PLCXD3: variants seen among roughly 807,000 people sequenced by gnomAD.
The protein encoded by PLCXD3 is phosphatidylinositol specific phospholipase C X domain containing 3.
PLCXD3 carries 19 observed loss-of-function variants against 25.5 expected under a neutral mutation model. The observed-to-expected ratio is 0.75, with a 90% CI of 0.52 to 1.09. The LOEUF (loss-of-function observed/expected upper bound fraction) is 1.09. Among genes scored for constraint, PLCXD3 ranks in the 50% least tolerant of loss-of-function variants. The pLI, the probability that PLCXD3 is intolerant of heterozygous loss-of-function variation, is 0.00. For synonymous variants in PLCXD3, 174 were observed against 137.6 expected (o/e 1.26, Z -1.85); for missense variants, 411 against 388.1 (o/e 1.06, Z -0.50).
At chr5:41,467,390 T>C (rs1394042121) in intron 1 of PLCXD3, among the ~76,000 whole-genome samples, 1 of 152,204 alleles carries the variant, frequency 6.6e-6, no homozygotes, top group Non-Finnish European at 1.5e-5. Flanking sequence ...GTCCATTTTT[T>C]AAAGTGGTTA....
At chr5:41,475,012 A>T (rs188520616) in intron 1 of PLCXD3, among the ~76,000 whole-genome samples, 82 of 152,350 alleles carry the variant, frequency 5.4e-4, no homozygotes, top group African/African-American at 1.9e-3. Context: ...CCACAGAAGA[A>T]GACAGTACAA....
At chr5:41,345,558 G>T (rs2150479159) in intron 2 of PLCXD3, among the ~76,000 whole-genome samples, 1 of 152,302 alleles carries the variant, frequency 6.6e-6, no homozygotes, top group Non-Finnish European at 1.5e-5. Context: ...AACACAGCCT[G>T]TCATTCAGCT....
chr5:41,400,437 A>G (rs1348421821), intron 1 of PLCXD3, among the ~76,000 whole-genome samples: 1 of 152,146 alleles, frequency 6.6e-6, no homozygotes, highest in Non-Finnish European at 1.5e-5. Flanking sequence ...GAAGCAACCT[A>G]TGTGTCCATC....
chr5:41,345,493 T>C (rs576043396), intron 2 of PLCXD3, among the ~76,000 whole-genome samples: 55 of 152,340 alleles, frequency 3.6e-4, no homozygotes, highest in African/African-American at 1.3e-3. Context: ...AATAGCAATA[T>C]GATGATAAGA....
intron 1 of PLCXD3, among the ~76,000 whole-genome samples, chr5:41,388,308 A>G (rs1745703812): frequency 6.6e-6 from 1 of 152,122 alleles, no homozygotes; most frequent in Admixed American, 6.6e-5. Flanking sequence ...AGTAAAGGCA[A>G]TTGATCTGGA....
chr5:41,310,388 G>GTTGTT lies in PLCXD3; in HGVS notation c.*3224_*3228dup, dbSNP rs903482857. 7 of 151,976 alleles carry GTTGTT rather than the reference G, an allele frequency of 4.6e-5. No individual in the cohort carries two copies. Among genetic ancestry groups the GTTGTT allele is most frequent in the South Asian group, 2.1e-4 (1 of 4,830 alleles). The allele number at this position is 151,976 out of a possible 1,614,324, so 9.4% of individuals were successfully genotyped here. On this transcript the variant is annotated 3_prime_UTR_variant, in exon 3 of 3. Transcript: ENST00000377801. ...GTAAAAGTTAGATTGTATTTGTTTG[G>GTTGTT]TTGTTTTGTTTTGTTTTGTTTTTTT...
chr5:41,491,358 A>G (rs1320274305), intron 1 of PLCXD3, among the ~76,000 whole-genome samples: 7 of 152,174 alleles, frequency 4.6e-5, no homozygotes, highest in Middle Eastern at 3.4e-3. Flanking sequence ...TTCCAACTAT[A>G]TGGTCAATTT....
At chr5:41,361,120 G>C (rs1744759968) in intron 2 of PLCXD3, among the ~76,000 whole-genome samples, 1 of 151,546 alleles carries the variant, frequency 6.6e-6, no homozygotes, top group African/African-American at 2.4e-5. Flanking sequence ...AGGCCAATGA[G>C]GTTATGTTCC....
intron 1 of PLCXD3, among the ~76,000 whole-genome samples, chr5:41,418,311 G>A (rs997377193): frequency 1.3e-5 from 2 of 152,122 alleles, no homozygotes; most frequent in Non-Finnish European, 2.9e-5. Flanking sequence ...AGGCTTCAAA[G>A]ACTTTTTTCT....
chr5:41,411,828 ATATCCATATATATATCTCCATATATATG>A (rs1746533530), intron 1 of PLCXD3, among the ~76,000 whole-genome samples: 2 of 148,238 alleles, frequency 1.3e-5, no homozygotes, highest in South Asian at 2.1e-4. Context: ...GTCCATATTG[ATATCCATATATATATCTCCATATATATG>A]TATCCATATA....
chr5:41,389,251 T>G (rs1745734817), intron 1 of PLCXD3, among the ~76,000 whole-genome samples: 1 of 152,128 alleles, frequency 6.6e-6, no homozygotes, highest in African/African-American at 2.4e-5. Flanking sequence ...CCCTCAGTGC[T>G]TCTCCCCATG....
chr5:41,321,745 A>G (rs1021349991), intron 2 of PLCXD3, among the ~76,000 whole-genome samples: 1 of 152,216 alleles, frequency 6.6e-6, no homozygotes, highest in Non-Finnish European at 1.5e-5. Flanking sequence ...CCAAGAGAAA[A>G]TAATAAATAC....
intron 1 of PLCXD3, among the ~76,000 whole-genome samples, chr5:41,489,275 T>C (rs933096826): frequency 6.6e-6 from 1 of 152,206 alleles, no homozygotes; most frequent in African/African-American, 2.4e-5. Context: ...CTCTGTTCTG[T>C]TCCATTGATC....
intron 1 of PLCXD3, among the ~76,000 whole-genome samples, chr5:41,463,553 A>ATG (rs1326593644): frequency 9.9e-5 from 15 of 152,144 alleles, no homozygotes; most frequent in African/African-American, 3.6e-4. Flanking sequence ...TAAAAAGAAT[A>ATG]TAACTGTTTC....
intron 1 of PLCXD3, among the ~76,000 whole-genome samples, chr5:41,392,219 TGG>T (rs1283539725): frequency 6.6e-6 from 1 of 151,592 alleles, no homozygotes; most frequent in Non-Finnish European, 1.5e-5. Context: ...AGCCAAGGAG[TGG>T]TTACAGCCAG....
At chr5:41,493,785 C>T (rs989708010) in intron 1 of PLCXD3, among the ~76,000 whole-genome samples, 8 of 152,202 alleles carry the variant, frequency 5.3e-5, no homozygotes, top group Admixed American at 1.3e-4. Context: ...TTAAGCCCGT[C>T]GGAAAAGCGC....
At position 41,447,801 on chromosome 5, in the gene PLCXD3, TA is replaced by T. The variant is rs556065480; in HGVS notation, c.103+62622del. Among the ~76,000 whole-genome samples the T allele has an allele frequency of 1.9e-4, 29 of 152,298 alleles. 1 individual carries two copies. The South Asian group carries it at 5.8e-3, about 30-fold the overall frequency. On this transcript the variant is annotated intron_variant, in intron 1 of 2. Transcript: ENST00000377801. ...TATCTGCTTAGGTAAGGCTGACAAATAAAACTAGCGTAAACCTTCAAACCTG... is the reference window on the plus strand; with the variant it reads ...TATCTGCTTAGGTAAGGCTGACAAATAAACTAGCGTAAACCTTCAAACCTG...
chr5:41,358,739 A>C (rs1744689277), intron 2 of PLCXD3, among the ~76,000 whole-genome samples: 1 of 152,060 alleles, frequency 6.6e-6, no homozygotes, highest in African/African-American at 2.4e-5. Context: ...TCTGGCTAGG[A>C]CTTTCAGTAC....
chr5:41,390,676 G>A (rs181325306), intron 1 of PLCXD3, among the ~76,000 whole-genome samples: 4 of 152,150 alleles, frequency 2.6e-5, no homozygotes, highest in East Asian at 3.9e-4. Context: ...TCCACCAATC[G>A]TCCTCCGTGC....
Sources: allele counts gnomAD v4.1 joint callset (sites outside exome capture counted in the v4.1 genomes callset), GRCh38; gene constraint gnomAD v4.1.1; transcripts MANE v1.5; gene names NCBI Gene and HGNC (gene_info 2026-07-23, HGNC 2026-07-21).